The following CECR2 variants were observed in gnomAD, a reference collection of about 807,000 sequenced individuals.
The protein encoded by CECR2 is chromatin remodeling regulator CECR2.
CECR2 carries 30 observed loss-of-function variants against 154.5 expected under a neutral mutation model. The ratio of observed to expected loss-of-function variants is 0.19; its 90% confidence interval spans 0.15 to 0.26. The LOEUF (loss-of-function observed/expected upper bound fraction) is 0.26, where lower values mean the gene tolerates loss of function less well. Among genes scored for constraint, CECR2 ranks in the 10% least tolerant of loss-of-function variants. The pLI, the probability that CECR2 is intolerant of heterozygous loss-of-function variation, is 1.00. For synonymous variants in CECR2, 725 were observed against 683.7 expected, an observed-to-expected ratio of 1.06 and a Z score of -0.94; for missense variants, 1,743 against 1,829.3, an observed-to-expected ratio of 0.95 and a Z score of 0.86.
At chr22:17,467,776 C>CA (rs2055057671) in intron 1 of CECR2, among the ~76,000 whole-genome samples, 1 of 148,300 alleles carries the variant, frequency 6.7e-6, no homozygotes, top group South Asian at 2.1e-4. Context: ...AAGCAAAACT[C>CA]AGTCTCAAAA....
intron 1 of CECR2, among the ~76,000 whole-genome samples, chr22:17,460,622 TC>T (rs1376912564): frequency 6.6e-6 from 1 of 152,208 alleles, no homozygotes; most frequent in Non-Finnish European, 1.5e-5. Flanking sequence ...ATCAGTTTTC[TC>T]TTCCCCTCTC....
At chr22:17,459,365 C>T (rs563149158) in intron 1 of CECR2, among the ~76,000 whole-genome samples, 21 of 152,362 alleles carry the variant, frequency 1.4e-4, no homozygotes, top group South Asian at 1.2e-3. Context: ...GACCACAGCT[C>T]ACTGCCTCTG....
intron 1 of CECR2, among the ~76,000 whole-genome samples, chr22:17,383,023 C>T (rs1226638885): frequency 5.9e-5 from 9 of 152,006 alleles, no homozygotes; most frequent in Admixed American, 4.6e-4. Flanking sequence ...GTCAGGAGTT[C>T]GAGACCGCCT....
Position 17,539,088 on chromosome 22 carries a change from G to A in CECR2, c.1464G>A (p.Arg488=). Residue 488 remains arginine (R), a synonymous_variant, in exon 13 of 19, where the codon AGG becomes AGA. Transcript: ENST00000262608. ...EFVNDMKTMF[R]NCRKYNGESS... Reference sequence around the variant, plus strand: ...TAAATGACATGAAGACCATGTTCAGGAATTGTCGAAAGTATAATGGGGAAA... The same window carrying A: ...TAAATGACATGAAGACCATGTTCAGAAATTGTCGAAAGTATAATGGGGAAA... 6.2e-7 allele frequency: 1 copy of A among 1,613,806 alleles called. No individual in the cohort carries two copies. The highest frequency in any genetic ancestry group is 1.7e-5 in the Admixed American group (1 of 60,022).
intron 1 of CECR2, chr22:17,428,616 A>G (rs2054367834): frequency 6.6e-6 from 1 of 152,134 alleles, no homozygotes; most frequent in Non-Finnish European, 1.5e-5. Context: ...ATTCCTAGTG[A>G]AAAATACTGT....
intron 1 of CECR2, among the ~76,000 whole-genome samples, chr22:17,465,400 GCTTGCTGCAAT>G (rs2055014177): frequency 6.6e-6 from 1 of 152,020 alleles, no homozygotes; most frequent in Non-Finnish European, 1.5e-5. Flanking sequence ...CACAGTCTTG[GCTTGCTGCAAT>G]CTCCACCTCC....
intron 1 of CECR2, among the ~76,000 whole-genome samples, chr22:17,406,119 T>C (rs757223697): frequency 6.6e-6 from 1 of 152,254 alleles, no homozygotes; most frequent in Admixed American, 6.5e-5. Flanking sequence ...TAACCCACTT[T>C]AGTCAGACAA....
chr22:17,437,391 A>G (rs1453853256), intron 1 of CECR2, among the ~76,000 whole-genome samples: 1 of 152,080 alleles, frequency 6.6e-6, no homozygotes, highest in African/African-American at 2.4e-5. Flanking sequence ...TCTCCAGCCA[A>G]CTGCTGAGAG....
intron 8 of CECR2, among the ~76,000 whole-genome samples, chr22:17,520,341 A>G (rs776613130): frequency 6.6e-6 from 1 of 152,134 alleles, no homozygotes; most frequent in Non-Finnish European, 1.5e-5. Flanking sequence ...GGGGTCTGAC[A>G]TACATAAAGC....
intron 1 of CECR2, among the ~76,000 whole-genome samples, chr22:17,451,045 C>G (rs73876446): frequency 6.6e-6 from 1 of 152,314 alleles, no homozygotes; most frequent in African/African-American, 2.4e-5. Flanking sequence ...GTTCCCACTC[C>G]GTGTCAAAGA....
chr22:17,548,838 A>ATTCCTACCACCCACCGCCACAGCC lies in CECR2; in HGVS notation c.3563_3586dup (p.Pro1188_His1195dup). On this transcript the variant is annotated inframe_insertion, in exon 17 of 19. Transcript: ENST00000262608. ...TATCGCCCCCCACAAGGAATGAGGT[A>ATTCCTACCACCCACCGCCACAGCC]TTCCTACCACCCACCGCCACAGCCT... 1 of 1,613,682 alleles carries ATTCCTACCACCCACCGCCACAGCC rather than the reference A, an allele frequency of 6.2e-7. No individual in the cohort carries two copies. Among genetic ancestry groups the ATTCCTACCACCCACCGCCACAGCC allele is most frequent in the Admixed American group, 1.7e-5 (1 of 60,000 alleles).
chr22:17,527,861 T>G (rs768152102), intron 9 of CECR2, among the ~76,000 whole-genome samples: 3 of 151,746 alleles, frequency 2.0e-5, no homozygotes, highest in Admixed American at 6.6e-5. Context: ...TATTATGAGA[T>G]ATCATCTTAC....
At chr22:17,382,170 G>GCC (rs2063204951) in intron 1 of CECR2, among the ~76,000 whole-genome samples, 1 of 151,806 alleles carries the variant, frequency 6.6e-6, no homozygotes. Context: ...GATTACAGGC[G>GCC]TGAGCCACTG....
At position 17,542,786 on chromosome 22, in the gene CECR2, C is replaced by T. The variant is rs780529312; in HGVS notation, c.2643C>T (p.Asp881=). ...RGVQGGDSMM[D]SPEMIAMQQL... is the part of the protein sequence containing the mutation. The stretch of plus-strand genomic sequence containing the variant: ...TGCAGGGAGGGGACTCCATGATGGA[C>T]AGCCCAGAGATGATTGCGATGCAGC... Residue 881 remains aspartate (D), a synonymous_variant, in exon 16 of 19, where the codon GAC becomes GAT. Coordinates refer to ENST00000262608, the MANE Select transcript of CECR2 (RefSeq NM_001290047.2). The T allele has an allele frequency of 1.2e-6, 2 of 1,614,034 alleles. No homozygotes were observed. Among genetic ancestry groups the T allele is most frequent in the South Asian group, 1.1e-5 (1 of 91,084 alleles).
intron 1 of CECR2, among the ~76,000 whole-genome samples, chr22:17,446,150 G>A (rs1394606888): frequency 6.6e-6 from 1 of 152,078 alleles, no homozygotes; most frequent in African/African-American, 2.4e-5. Flanking sequence ...AAAAAACTCA[G>A]GAGGTGCTTT....
intron 1 of CECR2, among the ~76,000 whole-genome samples, chr22:17,447,493 C>A (rs1870904439): frequency 6.6e-6 from 1 of 151,978 alleles, no homozygotes; most frequent in Admixed American, 6.6e-5. Flanking sequence ...CTGATTGGTG[C>A]GTTTACAGTA....
chr22:17,376,304 G>A (rs896753105), intron 1 of CECR2, among the ~76,000 whole-genome samples: 9 of 152,046 alleles, frequency 5.9e-5, no homozygotes, highest in African/African-American at 1.5e-4. Context: ...AAGGGGCAGC[G>A]CCTTCTCATC....
rs35782642 is a variant in CECR2, at chr22:17,515,677, CTT to C, written c.954+3796_954+3797del. ...GTTTATAATTTGCTGCACTACCAACCTTTTTTTTTTTTTTTTGAGACGGAGTC... is the reference window on the plus strand; with the variant it reads ...GTTTATAATTTGCTGCACTACCAACCTTTTTTTTTTTTTTGAGACGGAGTC... On this transcript the variant is annotated intron_variant, in intron 8 of 18. Coordinates refer to ENST00000262608, the MANE Select transcript of CECR2 (RefSeq NM_001290047.2). Among the ~76,000 whole-genome samples, 40 of 140,462 alleles carry C rather than the reference CTT, an allele frequency of 2.8e-4. 1 individual carries two copies. The highest frequency in any genetic ancestry group is 3.1e-4 in the African/African-American group (12 of 38,374). The allele number at this position is 140,462 out of a possible 152,430, so 92.1% of individuals were successfully genotyped here.
Position 17,524,176 on chromosome 22 carries a change from G to A in CECR2, c.1013G>A (p.Arg338His), listed in dbSNP as rs1246812923. 3.1e-6 allele frequency: 5 copies of A among 1,607,010 alleles called. No homozygotes were observed. The highest frequency in any genetic ancestry group is 3.4e-5 in the Admixed American group (2 of 58,836). The change falls in exon 9 of 19, where the codon CGT becomes CAT. Residue 338 changes from arginine (R) to histidine (H), a missense_variant. By Grantham distance (29) the Arg-to-His change is conservative (BLOSUM62 0). This residue lies in a region of CECR2 where 292 missense variants were observed against 301.2 expected (regional missense o/e 0.97). Coordinates refer to ENST00000262608, the MANE Select transcript of CECR2 (RefSeq NM_001290047.2). ...KQKRKEEEEE[R>H]QILLAVQKKE... ...AAGCGCAAAGAGGAGGAAGAAGAGCGTCAGATTCTTCTAGCAGTGCAGAAG... is the reference window on the plus strand; with the variant it reads ...AAGCGCAAAGAGGAGGAAGAAGAGCATCAGATTCTTCTAGCAGTGCAGAAG...
Sources: gnomAD v4.1 joint callset for allele counts (sites outside exome capture counted in the v4.1 genomes callset) on GRCh38, gnomAD v4.1.1 for gene constraint, gnomAD v4.1.1 regional missense constraint, MANE v1.5 for transcripts, NCBI Gene and HGNC (gene_info 2026-07-23, HGNC 2026-07-21) for gene names.